Variants in RRP15 observed in about 807,000 individuals in gnomAD.
RRP15 encodes ribosomal RNA processing 15 homolog.
Under a neutral mutation model 27.1 loss-of-function variants are expected in RRP15, and 18 were observed. The observed-to-expected ratio is 0.66, with a 90% CI of 0.46 to 0.98. The LOEUF (loss-of-function observed/expected upper bound fraction) is 0.98. RRP15 is among the 50% of genes least tolerant of loss of function. The pLI is 0.00. For synonymous variants in RRP15, 107 were observed against 109.4 expected (o/e 0.98, Z 0.14); for missense variants, 359 against 337.8 (o/e 1.06, Z -0.49).
Position 218,332,548 on chromosome 1 carries a change from C to A in RRP15, c.*1457C>A, listed in dbSNP as rs988534945. ...TTATGTATTGAAGGATAATCCCCCC[C>A]AAAAAAACTATCCAAGAGCAGAGAT... On this transcript the variant is annotated 3_prime_UTR_variant, in exon 5 of 5. Transcript: ENST00000366932. 5 of 151,890 alleles carry A rather than the reference C, an allele frequency of 3.3e-5. No individual in the cohort carries two copies. Among genetic ancestry groups the A allele is most frequent in the Non-Finnish European group, 5.9e-5 (4 of 67,976 alleles). The allele number at this position is 151,890 out of a possible 1,614,324, so 9.4% of individuals were successfully genotyped here.
intron 1 of RRP15, among the ~76,000 whole-genome samples, chr1:218,287,060 C>A (rs535060651): frequency 6.6e-6 from 1 of 151,950 alleles, no homozygotes; most frequent in Non-Finnish European, 1.5e-5. Context: ...CCACCGCCCC[C>A]CAAAGCGATC....
chr1:218,331,060 G>A lies in RRP15; in HGVS notation c.818G>A (p.Arg273Lys), dbSNP rs371002320. Residue 273 changes from arginine to lysine, a missense_variant, in exon 5 of 5, where the codon AGA (arginine) becomes AAA (lysine). Coordinates refer to ENST00000366932, the MANE Select transcript of RRP15 (RefSeq NM_016052.4). ...GAAAGTGATGGGCCAGATGACAGCA[G>A]ACCAGAATCTGCAAGTGACTCTGAT... The part of the protein sequence containing the change: ...DKESDGPDDS[R>K]PESASDSDT 6.8e-6 allele frequency: 11 copies of A among 1,612,536 alleles called. No individual in the cohort carries two copies. In the African/African-American group the frequency reaches 1.5e-4, roughly 22 times the overall value.
intron 1 of RRP15, among the ~76,000 whole-genome samples, chr1:218,288,091 C>CTTTT (rs1655578389): frequency 1.3e-5 from 2 of 152,058 alleles, no homozygotes; most frequent in African/African-American, 4.8e-5. Context: ...TATAAAGGGC[C>CTTTT]TTGTGTATTT....
chr1:218,313,023 G>C (rs943614198), intron 4 of RRP15, among the ~76,000 whole-genome samples: 2 of 152,166 alleles, frequency 1.3e-5, no homozygotes, highest in Non-Finnish European at 2.9e-5. Flanking sequence ...AATGCCATAA[G>C]GTAAGTGATC....
intron 1 of RRP15, among the ~76,000 whole-genome samples, chr1:218,285,674 G>A (rs1187472627): frequency 1.3e-5 from 2 of 152,026 alleles, no homozygotes; most frequent in South Asian, 2.1e-4. Context: ...CTTTTACTAG[G>A]TATTTTCAGG....
Position 218,336,007 on chromosome 1 carries a change from T to A in RRP15, c.*4916T>A, listed in dbSNP as rs970520157. On this transcript the variant is annotated 3_prime_UTR_variant, in exon 5 of 5. Transcript: ENST00000366932. ...ACCAAACCTTAAATATTTTTGTTGT[T>A]CTCTAAAAGAATGGGTTTATGATGC... is the stretch of plus-strand genomic sequence containing the variant. The A allele has an allele frequency of 6.6e-6, 1 of 152,194 alleles. No individual in the cohort carries two copies. Among genetic ancestry groups the A allele is most frequent in the South Asian group, 2.1e-4 (1 of 4,826 alleles). 9.4% of individuals were successfully genotyped at this position (152,194 alleles called of 1,614,324 possible).
At chr1:218,291,190 C>T (rs1288045739) in intron 1 of RRP15, among the ~76,000 whole-genome samples, 3 of 151,870 alleles carry the variant, frequency 2.0e-5, no homozygotes, top group East Asian at 2.0e-4. Flanking sequence ...GTAATCCCAG[C>T]ACTTTGGGAG....
chr1:218,319,422 A>G (rs1271228615), intron 4 of RRP15, among the ~76,000 whole-genome samples: 1 of 152,172 alleles, frequency 6.6e-6, no homozygotes, highest in Admixed American at 6.5e-5. Context: ...TTTACAGTCA[A>G]TGAGTGTCAT....
chr1:218,307,447 T>A lies in RRP15; in HGVS notation c.520T>A (p.Phe174Ile). 6.2e-7 allele frequency: 1 copy of A among 1,613,800 alleles called. No homozygotes were observed. The highest frequency in any genetic ancestry group is 8.5e-7 in the Non-Finnish European group (1 of 1,179,792). ...ATTCTACAGGGGTGTGGTGCAATTA[T>A]TTAATGCTGTTCAGAAACATCAAAA... ...RIATRGVVQL[F>I]NAVQKHQKNV... is the part of the protein sequence containing the mutation. The change falls in exon 4 of 5, where the codon TTT becomes ATT. Residue 174 changes from phenylalanine (F) to isoleucine (I), a missense_variant. Physicochemically the swap from Phe to Ile is conservative, Grantham distance 21 (BLOSUM62 0). Transcript: ENST00000366932.
Position 218,302,332 on chromosome 1 carries a change from G to A in RRP15, c.178G>A (p.Asp60Asn). ...GSEKDHFYSD[D>N]DAIEADSEGD... ...GGAAAAGGACCACTTTTATTCTGAT[G>A]ATGACGCAATAGAAGCTGACAGTGA... The change falls in exon 2 of 5, where the codon GAT becomes AAT. Residue 60 changes from aspartate to asparagine, a missense_variant. Transcript: ENST00000366932. The A allele has an allele frequency of 6.2e-7, 1 of 1,613,918 alleles. No homozygotes were observed.
At chr1:218,313,692 C>CACT (rs1656037459) in intron 4 of RRP15, among the ~76,000 whole-genome samples, 1 of 152,128 alleles carries the variant, frequency 6.6e-6, no homozygotes, top group South Asian at 2.1e-4. Context: ...CTGGGGCAGG[C>CACT]ACTAATGAGT....
intron 2 of RRP15, 129 bp from the exon 3 acceptor site, chr1:218,304,899 T>C (rs1655872960): frequency 2.4e-6 from 2 of 819,320 alleles, no homozygotes; most frequent in East Asian, 2.8e-5. Flanking sequence ...TTGTGTTTTT[T>C]TAAAAGCCCC....
intron 4 of RRP15, among the ~76,000 whole-genome samples, chr1:218,314,846 G>A (rs1023724259): frequency 4.0e-5 from 6 of 151,774 alleles, no homozygotes; most frequent in African/African-American, 1.5e-4. Context: ...ACAAAAATTA[G>A]CCAGGCGTGG....
At position 218,329,675 on chromosome 1, in the gene RRP15, C is replaced by T. The variant is rs1037782450; in HGVS notation, c.706-1273C>T. 3.3e-5 allele frequency among the ~76,000 whole-genome samples: 5 copies of T among 152,100 alleles called. No individual in the cohort carries two copies. In the South Asian group the frequency reaches 6.2e-4, roughly 19 times the overall value. On this transcript the variant is annotated intron_variant, in intron 4 of 4. Coordinates refer to ENST00000366932, the MANE Select transcript of RRP15 (RefSeq NM_016052.4). ...AAAAAGTGTGCTGATGTTTGATATACGAAGTCAGTTCTGAAATCTTTGCTT... is the reference window on the plus strand; with the variant it reads ...AAAAAGTGTGCTGATGTTTGATATATGAAGTCAGTTCTGAAATCTTTGCTT...
intron 2 of RRP15, 54 bp downstream of exon 2, chr1:218,302,613 A>T: frequency 6.4e-7 from 1 of 1,564,654 alleles, no homozygotes; most frequent in South Asian, 1.2e-5. Flanking sequence ...GCTAGCTCTT[A>T]TCTTGACCGA....
At chr1:218,305,892 T>C (rs1041980502) in intron 3 of RRP15, among the ~76,000 whole-genome samples, 1 of 152,218 alleles carries the variant, frequency 6.6e-6, no homozygotes, top group Non-Finnish European at 1.5e-5. Context: ...CAAATCGTAG[T>C]ACTGGCTCTT....
chr1:218,297,652 T>C (rs1416054806), intron 1 of RRP15, among the ~76,000 whole-genome samples: 3 of 152,180 alleles, frequency 2.0e-5, no homozygotes, highest in Non-Finnish European at 4.4e-5. Context: ...GGAGTTCTGT[T>C]TGACTTAGGG....
rs894496683 is a variant in RRP15, at chr1:218,302,206, G to T, written c.140-88G>T. ...ACCCCCCTTGCAAAAATGGGGACAG[G>T]CAGAGCTCCAGGAAGGGTTCGGGGG... is the stretch of plus-strand genomic sequence containing the variant. On this transcript the variant is annotated intron_variant, in intron 1 of 4. Coordinates refer to ENST00000366932, the MANE Select transcript of RRP15 (RefSeq NM_016052.4). 6.2e-6 allele frequency: 6 copies of T among 972,422 alleles called. No homozygotes were observed. The Admixed American group carries it at 1.1e-4, about 18-fold the overall frequency. The allele number at this position is 972,422 out of a possible 1,614,324, so 60.2% of individuals were successfully genotyped here.
chr1:218,299,870 TG>T (rs1282761348), intron 1 of RRP15, among the ~76,000 whole-genome samples: 5 of 152,176 alleles, frequency 3.3e-5, no homozygotes, highest in African/African-American at 7.2e-5. Flanking sequence ...TGTACTTTCC[TG>T]GGTACACTGG....
Sources: allele counts gnomAD v4.1 joint callset (sites outside exome capture counted in the v4.1 genomes callset), GRCh38; gene constraint gnomAD v4.1.1; transcripts MANE v1.5; gene names NCBI Gene and HGNC (gene_info 2026-07-23, HGNC 2026-07-21).